The following DIS3L2 variants were observed in gnomAD, a reference collection of about 807,000 sequenced individuals.
DIS3L2 encodes DIS3-like exonuclease 2.
Under a neutral mutation model 97.5 loss-of-function variants are expected in DIS3L2, and 34 were observed. The ratio of observed to expected loss-of-function variants is 0.35; its 90% CI spans 0.27 to 0.46. The LOEUF is 0.46. DIS3L2 is among the 20% of genes least tolerant of loss of function. The pLI, the probability that DIS3L2 is intolerant of heterozygous loss-of-function variation, is 1.00. For missense variants in DIS3L2, 1,038 were observed against 1,146.0 expected (o/e 0.91, Z 1.36); for synonymous variants, 435 against 445.2 (o/e 0.98, Z 0.29).
chr2:232,234,117 C>T (rs1182733403), intron 10 of DIS3L2, among the ~76,000 whole-genome samples: 2 of 151,946 alleles, frequency 1.3e-5, no homozygotes, highest in South Asian at 2.1e-4. Flanking sequence ...CAGTTTATGG[C>T]GAGGGGTAAT....
chr2:232,238,487 T>C (rs1692993905), intron 10 of DIS3L2, 46 bp from the exon 11 acceptor site: 2 of 1,517,688 alleles, frequency 1.3e-6, no homozygotes, highest in Admixed American at 1.7e-5. Flanking sequence ...GAGAGAATGC[T>C]GTGGCCTTCC....
At chr2:232,256,062 A>G (rs758830336) in intron 12 of DIS3L2, among the ~76,000 whole-genome samples, 19 of 152,184 alleles carry the variant, frequency 1.2e-4, no homozygotes, top group Non-Finnish European at 2.5e-4. Flanking sequence ...TCCTCTGCAT[A>G]CAGCTGTCAG....
intron 3 of DIS3L2, among the ~76,000 whole-genome samples, chr2:232,016,649 T>C (rs1471839758): frequency 2.6e-5 from 4 of 152,170 alleles, no homozygotes; most frequent in Non-Finnish European, 5.9e-5. Context: ...GTATGGCAGC[T>C]TAGGCCTCCT....
intron 4 of DIS3L2, among the ~76,000 whole-genome samples, chr2:232,025,797 A>G (rs1463542922): frequency 1.3e-5 from 2 of 152,212 alleles, no homozygotes; most frequent in African/African-American, 4.8e-5. Flanking sequence ...CGGATAAACC[A>G]TCTCTCAGTA....
intron 8 of DIS3L2, among the ~76,000 whole-genome samples, chr2:232,139,347 C>T (rs1331024958): frequency 1.3e-5 from 2 of 152,228 alleles, no homozygotes; most frequent in Non-Finnish European, 2.9e-5. Flanking sequence ...ACCTGCACAA[C>T]AGCACACGTG....
In DIS3L2 at chr2:232,336,906, C is replaced by T. The variant is rs931904617; in HGVS notation, c.*276C>T. 1.0e-5 allele frequency: 13 copies of T among 1,266,776 alleles called. No individual in the cohort carries two copies. In the Admixed American group the frequency reaches 1.6e-4, roughly 15 times the overall value. 78.5% of individuals were successfully genotyped at this position (1,266,776 alleles called of 1,614,324 possible). ...CCCCCTTTTTTCTGGGCCCTACTGC[C>T]CTCCTCTGCCCAGGAAATGGGGGGG... On this transcript the variant is annotated 3_prime_UTR_variant, in exon 21 of 21. Coordinates refer to ENST00000325385, the MANE Select transcript of DIS3L2 (RefSeq NM_152383.5).
At chr2:232,212,727 C>A (rs1313809235) in intron 10 of DIS3L2, among the ~76,000 whole-genome samples, 3 of 152,054 alleles carry the variant, frequency 2.0e-5, no homozygotes, top group Admixed American at 6.6e-5. Flanking sequence ...AAACTAGAGG[C>A]TGGGGAATGA....
In DIS3L2 at chr2:232,168,420, A is replaced by G. The variant is rs144767192; in HGVS notation, c.1124+4788A>G. The stretch of plus-strand genomic sequence containing the variant: ...GAAATGTCAGTGTTGCCATTTTTCT[A>G]GTGTTAATGATACTACTAGGAGTAT... On this transcript the variant is annotated intron_variant, in intron 9 of 20. Transcript: ENST00000325385. 4.0e-4 allele frequency among the ~76,000 whole-genome samples: 61 copies of G among 152,334 alleles called. 1 individual carries two copies. Among genetic ancestry groups the G allele is most frequent in the African/African-American group, 1.4e-3 (59 of 41,578 alleles).
chr2:232,003,088 G>T (rs1345827803), intron 1 of DIS3L2, among the ~76,000 whole-genome samples: 1 of 152,138 alleles, frequency 6.6e-6, no homozygotes, highest in African/African-American at 2.4e-5. Flanking sequence ...TTCTGCCTTG[G>T]ATTAAAAAGA....
intron 14 of DIS3L2, 28 bp from the exon 15 acceptor site, chr2:232,329,785 T>TCCCGGGGGGGGCG: frequency 2.1e-6 from 2 of 967,144 alleles, no homozygotes; most frequent in Non-Finnish European, 2.9e-6. Context: ...ACCCCAGCGG[T>TCCCGGGGGGGGCG]CCCTCCCATC....
intron 6 of DIS3L2, among the ~76,000 whole-genome samples, chr2:232,089,105 A>G (rs1696756287): frequency 6.6e-6 from 1 of 152,250 alleles, no homozygotes; most frequent in African/African-American, 2.4e-5. Flanking sequence ...TCAGGACATG[A>G]CTGGAGAAGG....
At position 232,169,800 on chromosome 2, in the gene DIS3L2, A is replaced by G. The variant is rs186686417; in HGVS notation, c.1124+6168A>G. On this transcript the variant is annotated intron_variant, in intron 9 of 20. Transcript: ENST00000325385. ...TGAACAATTATATTTGGAACAGAAAAGTTCCATCAATCTTTAAACCTCATA... is the reference window on the plus strand; with the variant it reads ...TGAACAATTATATTTGGAACAGAAAGGTTCCATCAATCTTTAAACCTCATA... 2.6e-5 allele frequency among the ~76,000 whole-genome samples: 4 copies of G among 152,330 alleles called. No homozygotes were observed. The East Asian group carries it at 7.7e-4, about 29-fold the overall frequency.
At position 231,984,384 on chromosome 2, in the gene DIS3L2, C is replaced by CTTT. The variant is rs1297535054; in HGVS notation, c.-94+22637_-94+22639dup. Among the ~76,000 whole-genome samples, 43 of 126,000 alleles carry CTTT rather than the reference C, an allele frequency of 3.4e-4. 1 individual carries two copies. The highest frequency in any genetic ancestry group is 4.0e-3 in the Middle Eastern group (1 of 252). The allele number at this position is 126,000 out of a possible 152,430, so 82.7% of individuals were successfully genotyped here. On this transcript the variant is annotated intron_variant, in intron 1 of 20. Transcript: ENST00000325385. ...GCGTGATCTGGGCTCACTGCAACTT[C>CTTT]TTTTTTTTTTTTTTTTTTTTGAGAC...
At chr2:232,013,840 C>CT (rs1000424407) in intron 1 of DIS3L2, among the ~76,000 whole-genome samples, 78 of 152,320 alleles carry the variant, frequency 5.1e-4, no homozygotes, top group African/African-American at 1.8e-3. Context: ...CTGTGAATCT[C>CT]TTTATCTTTC....
chr2:232,080,617 A>T (rs1267082655), intron 5 of DIS3L2, among the ~76,000 whole-genome samples: 5 of 151,804 alleles, frequency 3.3e-5, no homozygotes, highest in Non-Finnish European at 2.9e-5. Context: ...TTAAAAATAC[A>T]GGGCTGGGCA....
chr2:232,297,475 C>A (rs912575631), intron 13 of DIS3L2, among the ~76,000 whole-genome samples: 3 of 152,160 alleles, frequency 2.0e-5, no homozygotes, highest in African/African-American at 7.2e-5. Flanking sequence ...AGACACTCAG[C>A]TAAGACCAGC....
At chr2:232,103,013 G>C (rs1029563457) in intron 6 of DIS3L2, among the ~76,000 whole-genome samples, 4 of 152,078 alleles carry the variant, frequency 2.6e-5, no homozygotes, top group African/African-American at 9.7e-5. Context: ...GTTAACAGTG[G>C]ATTAAGAGAA....
intron 10 of DIS3L2, among the ~76,000 whole-genome samples, chr2:232,210,866 C>G (rs1280934954): frequency 6.6e-6 from 1 of 151,884 alleles, no homozygotes; most frequent in Non-Finnish European, 1.5e-5. Context: ...TCCCTGAGAA[C>G]TGCCTCTCTA....
intron 14 of DIS3L2, among the ~76,000 whole-genome samples, chr2:232,302,616 A>G (rs995635180): frequency 1.3e-5 from 2 of 148,790 alleles, no homozygotes; most frequent in South Asian, 4.2e-4. Flanking sequence ...CCTGGAGTGC[A>G]ATTGCATGAT....
Sources: gnomAD v4.1 joint callset for allele counts (sites outside exome capture counted in the v4.1 genomes callset) on GRCh38, gnomAD v4.1.1 for gene constraint, MANE v1.5 for transcripts, NCBI Gene and HGNC (gene_info 2026-07-23, HGNC 2026-07-21) for gene names.